EYS: variants seen among roughly 807,000 people sequenced by gnomAD.
EYS encodes the protein protein eyes shut homolog.
EYS carries 250 observed loss-of-function variants against 282.1 expected under a neutral mutation model. That is an observed-to-expected ratio of 0.89 (90% confidence interval 0.80 to 0.98). The LOEUF is 0.98. Ranked by LOEUF, EYS falls within the 50% of genes least tolerant of loss-of-function variation. The pLI is 0.00. For synonymous variants in EYS, 1,355 were observed against 1,282.9 expected, an observed-to-expected ratio of 1.06 and a Z score of -1.20; for missense variants, 4,016 against 3,709.0, an observed-to-expected ratio of 1.08 and a Z score of -2.15.
chr6:64,717,735 T>C (rs961913309), intron 22 of EYS, among the ~76,000 whole-genome samples: 2 of 152,170 alleles, frequency 1.3e-5, no homozygotes, highest in African/African-American at 4.8e-5. Context: ...TATGAGGCTT[T>C]TCTCAAAATT....
chr6:64,230,348 C>G (rs923441716), intron 31 of EYS, among the ~76,000 whole-genome samples: 1 of 152,134 alleles, frequency 6.6e-6, no homozygotes, highest in Non-Finnish European at 1.5e-5. Flanking sequence ...ATTTTAACTT[C>G]TATTTTATAT....
chr6:65,217,132 C>G (rs879557465), intron 12 of EYS, among the ~76,000 whole-genome samples: 5 of 151,970 alleles, frequency 3.3e-5, no homozygotes, highest in African/African-American at 1.2e-4. Flanking sequence ...TAGTAGAATA[C>G]TAAATGATCT....
intron 35 of EYS, among the ~76,000 whole-genome samples, chr6:63,880,627 A>G (rs1389294738): frequency 6.6e-6 from 1 of 152,190 alleles, no homozygotes; most frequent in Non-Finnish European, 1.5e-5. Context: ...AACTGAAAAC[A>G]GTTTTCCTGA....
intron 21 of EYS, chr6:64,815,258 A>G (rs756380337): frequency 4.8e-5 from 22 of 459,766 alleles, no homozygotes; most frequent in African/African-American, 4.4e-4. Flanking sequence ...CCAAGAGCAC[A>G]TAGTAGACTA....
chr6:64,451,620 G>A (rs191571349), intron 26 of EYS, among the ~76,000 whole-genome samples: 1,995 of 152,184 alleles, frequency 0.013, 43 homozygotes, highest in African/African-American at 0.045. Context: ...ATAAAATACT[G>A]GCAAACCGAA....
intron 19 of EYS, among the ~76,000 whole-genome samples, chr6:64,883,175 T>C (rs1324155020): frequency 6.6e-6 from 1 of 151,502 alleles, no homozygotes; most frequent in African/African-American, 2.4e-5. Context: ...ACTTCTTATG[T>C]AGATTGGGCA....
At chr6:65,588,405 G>A (rs989533429) in intron 2 of EYS, among the ~76,000 whole-genome samples, 3 of 151,902 alleles carry the variant, frequency 2.0e-5, no homozygotes, top group African/African-American at 7.3e-5. Context: ...GTGGCGGGGG[G>A]AGTATCTGCT....
chr6:64,254,386 C>G (rs1445300964), intron 30 of EYS, among the ~76,000 whole-genome samples: 1 of 152,106 alleles, frequency 6.6e-6, no homozygotes, highest in Admixed American at 6.6e-5. Context: ...CAATTTCTAG[C>G]TTGCTCCTGC....
At chr6:64,428,745 C>A (rs1262436722) in intron 28 of EYS, among the ~76,000 whole-genome samples, 2 of 152,092 alleles carry the variant, frequency 1.3e-5, no homozygotes, top group African/African-American at 4.8e-5. Flanking sequence ...TTGTCTATTT[C>A]TAGCCTATAT....
chr6:64,385,780 T>C (rs1444455716), intron 29 of EYS, among the ~76,000 whole-genome samples: 2 of 131,784 alleles, frequency 1.5e-5, no homozygotes, highest in South Asian at 5.2e-4. Flanking sequence ...CCTCAGAATA[T>C]TACAATTTGA....
chr6:64,088,137 T>A lies in EYS; in HGVS notation c.6425-6135A>T, dbSNP rs982287034. Among the ~76,000 whole-genome samples, 5 of 152,106 alleles carry A rather than the reference T, an allele frequency of 3.3e-5. No individual in the cohort carries two copies. The East Asian group carries it at 9.6e-4, about 29-fold the overall frequency. On this transcript the variant is annotated intron_variant, in intron 31 of 42. Transcript: ENST00000503581. ...TCATTATCACCGTGTTTAGTGGATA[T>A]GTTGAAAAACAGAACTGCCCTGAAT...
chr6:64,598,262 C>T (rs1359963184), intron 24 of EYS, among the ~76,000 whole-genome samples: 2 of 152,174 alleles, frequency 1.3e-5, no homozygotes, highest in Non-Finnish European at 2.9e-5. Context: ...AGATCGAGAC[C>T]ATCCTTGCTA....
At chr6:65,393,555 A>G (rs571017920) in intron 7 of EYS, among the ~76,000 whole-genome samples, 1 of 152,310 alleles carries the variant, frequency 6.6e-6, no homozygotes, top group South Asian at 2.1e-4. Context: ...TATATGTTGA[A>G]ATATGTCAAC....
At chr6:63,954,658 G>T (rs745720374) in intron 35 of EYS, among the ~76,000 whole-genome samples, 7 of 152,096 alleles carry the variant, frequency 4.6e-5, no homozygotes, top group Non-Finnish European at 8.8e-5. Context: ...AGCAGTTAGA[G>T]TTCCAACTTC....
intron 35 of EYS, among the ~76,000 whole-genome samples, chr6:63,872,313 TGTG>T (rs1562070623): frequency 6.7e-6 from 1 of 150,336 alleles, no homozygotes; most frequent in Non-Finnish European, 1.5e-5. Context: ...TACCAGGTGG[TGTG>T]TGTGTGTGTG....
At chr6:64,859,222 ATATATT>A (rs1766160809) in intron 19 of EYS, among the ~76,000 whole-genome samples, 1 of 147,748 alleles carries the variant, frequency 6.8e-6, no homozygotes, top group Non-Finnish European at 1.5e-5. Flanking sequence ...TTTATATCTA[ATATATT>A]TATATTTATT....
intron 1 of EYS, among the ~76,000 whole-genome samples, chr6:65,696,220 C>G (rs1242086294): frequency 2.6e-5 from 4 of 151,822 alleles, no homozygotes; most frequent in Non-Finnish European, 2.9e-5. Context: ...CATTTTCTGG[C>G]AAATTCTCAG....
At chr6:64,818,207 A>T (rs1764797000) in intron 21 of EYS, among the ~76,000 whole-genome samples, 1 of 151,898 alleles carries the variant, frequency 6.6e-6, no homozygotes, top group Admixed American at 6.6e-5. Context: ...ATGCTGCCCT[A>T]CTCACTTTCC....
At chr6:65,222,407 C>T (rs1766491252) in intron 12 of EYS, among the ~76,000 whole-genome samples, 3 of 152,014 alleles carry the variant, frequency 2.0e-5, no homozygotes, top group Admixed American at 2.0e-4. Context: ...AAGGGGAGTC[C>T]CCTGCACATG....
Sources: gnomAD v4.1 joint callset for allele counts (sites outside exome capture counted in the v4.1 genomes callset) on GRCh38, gnomAD v4.1.1 for gene constraint, MANE v1.5 for transcripts, NCBI Gene and HGNC (gene_info 2026-07-23, HGNC 2026-07-21) for gene names.